AGFG1: variants seen among roughly 807,000 people sequenced by gnomAD.
The protein encoded by AGFG1 is arf-GAP domain and FG repeat-containing protein 1.
AGFG1 carries 10 observed loss-of-function variants against 60.6 expected under a neutral mutation model. The observed-to-expected ratio is 0.16, with a 90% CI of 0.10 to 0.28. The LOEUF is 0.28. AGFG1 is among the 10% of genes least tolerant of loss of function. AGFG1 has a pLI of 1.00. For missense variants in AGFG1, 537 were observed against 676.5 expected, an observed-to-expected ratio of 0.79 and a Z score of 2.29; for synonymous variants, 247 against 242.9, an observed-to-expected ratio of 1.02 and a Z score of -0.16.
rs148426779 is a variant in AGFG1, at chr2:227,494,479, C to A, written c.261+2839C>A. Among the ~76,000 whole-genome samples, 32 of 152,232 alleles carry A rather than the reference C, an allele frequency of 2.1e-4. No individual in the cohort carries two copies. The East Asian group carries it at 6.2e-3, about 29-fold the overall frequency. On this transcript the variant is annotated intron_variant, in intron 2 of 12. Transcript: ENST00000310078. ...GTTCATGCCTGAAGATGAGTATTTC[C>A]AAAATTAAAAGATCAGAAAGTATAT... is the stretch of plus-strand genomic sequence containing the variant.
intron 2 of AGFG1, among the ~76,000 whole-genome samples, chr2:227,515,535 T>A (rs1431713794): frequency 6.6e-6 from 1 of 152,186 alleles, no homozygotes; most frequent in Non-Finnish European, 1.5e-5. Flanking sequence ...TTCCTCCTGA[T>A]GTCTTTATTT....
intron 2 of AGFG1, among the ~76,000 whole-genome samples, chr2:227,506,697 G>T (rs186181649): frequency 6.6e-6 from 1 of 152,006 alleles, no homozygotes; most frequent in Admixed American, 6.6e-5. Flanking sequence ...GAGAGTTGGG[G>T]TTTTAACCTG....
At chr2:227,484,839 G>A (rs2106160874) in intron 1 of AGFG1, among the ~76,000 whole-genome samples, 1 of 151,730 alleles carries the variant, frequency 6.6e-6, no homozygotes, top group South Asian at 2.1e-4. Flanking sequence ...CAGTAGCTGG[G>A]ATTACAAGTG....
At position 227,554,559 on chromosome 2, in the gene AGFG1, G is replaced by T; in HGVS notation, c.*64G>T. On this transcript the variant is annotated 3_prime_UTR_variant, in exon 13 of 13. Transcript: ENST00000310078. Reference sequence around the variant, plus strand: ...GTCACATTACATCTCTCCACCTCTTGCACTGTTGTCTTGTTTCACTGATCT... The same window carrying T: ...GTCACATTACATCTCTCCACCTCTTTCACTGTTGTCTTGTTTCACTGATCT... The T allele has an allele frequency of 7.5e-7, 1 of 1,328,926 alleles. No homozygotes were observed. Among genetic ancestry groups the T allele is most frequent in the Non-Finnish European group, 1.1e-6 (1 of 935,934 alleles). The allele number at this position is 1,328,926 out of a possible 1,614,324, so 82.3% of individuals were successfully genotyped here.
chr2:227,473,597 G>A (rs1432005297), intron 1 of AGFG1, among the ~76,000 whole-genome samples: 2 of 152,034 alleles, frequency 1.3e-5, no homozygotes, highest in African/African-American at 4.8e-5. Context: ...AATTTCATTC[G>A]GAAAATTTGC....
At chr2:227,497,342 G>A (rs538915972) in intron 2 of AGFG1, among the ~76,000 whole-genome samples, 17 of 152,184 alleles carry the variant, frequency 1.1e-4, no homozygotes, top group African/African-American at 2.4e-4. Flanking sequence ...ATGTAATGAC[G>A]TTATTGCCAG....
At chr2:227,496,539 A>C (rs573481846) in intron 2 of AGFG1, among the ~76,000 whole-genome samples, 1 of 152,298 alleles carries the variant, frequency 6.6e-6, no homozygotes, top group African/African-American at 2.4e-5. Flanking sequence ...CTCCCCTTGC[A>C]GTCTTCTACA....
chr2:227,492,978 A>G (rs1279130804), intron 2 of AGFG1, among the ~76,000 whole-genome samples: 1 of 152,180 alleles, frequency 6.6e-6, no homozygotes, highest in Non-Finnish European at 1.5e-5. Flanking sequence ...GGAAATTAGA[A>G]TGGAATCAGA....
At chr2:227,547,271 T>G (rs1692679483) in intron 10 of AGFG1, among the ~76,000 whole-genome samples, 1 of 152,196 alleles carries the variant, frequency 6.6e-6, no homozygotes, top group Non-Finnish European at 1.5e-5. Flanking sequence ...AAACCCTAAG[T>G]AGAAAGTTAC....
At position 227,478,046 on chromosome 2, in the gene AGFG1, A is replaced by C. The variant is rs568189212; in HGVS notation, c.167+5458A>C. On this transcript the variant is annotated intron_variant, in intron 1 of 12. Transcript: ENST00000310078. ...TTTCATTGAGAAAATACTGTTGTGT[A>C]TTCTGAAATCAATGGGAATGATGGT... Among the ~76,000 whole-genome samples the C allele has an allele frequency of 1.0e-3, 155 of 152,160 alleles. 3 individuals are homozygous for C. The highest frequency in any genetic ancestry group is 3.2e-3 in the African/African-American group (133 of 41,508).
chr2:227,530,659 T>A (rs1217369055), intron 5 of AGFG1, among the ~76,000 whole-genome samples: 1 of 95,468 alleles, frequency 1.0e-5, no homozygotes, highest in East Asian at 3.6e-4. Flanking sequence ...TGTATTATTA[T>A]TTTAAGTATT....
chr2:227,527,482 A>G (rs10205138), intron 5 of AGFG1, among the ~76,000 whole-genome samples: 1 of 152,198 alleles, frequency 6.6e-6, no homozygotes, highest in African/African-American at 2.4e-5. Context: ...TTAAGATTCC[A>G]CAAATGGTTT....
chr2:227,550,715 A>G (rs867349561), intron 10 of AGFG1, among the ~76,000 whole-genome samples: 2 of 152,196 alleles, frequency 1.3e-5, no homozygotes, highest in African/African-American at 4.8e-5. Context: ...TACAGGGATT[A>G]CTTTGGGCAA....
chr2:227,532,264 C>T (rs1427921646), intron 6 of AGFG1: 2 of 1,346,786 alleles, frequency 1.5e-6, no homozygotes, highest in Non-Finnish European at 2.0e-6. Flanking sequence ...TTTTGCTATA[C>T]TTCAAGGGTT....
intron 5 of AGFG1, among the ~76,000 whole-genome samples, chr2:227,526,591 G>C (rs1692002499): frequency 1.5e-5 from 2 of 133,062 alleles, no homozygotes; most frequent in South Asian, 4.7e-4. Context: ...TGTTCACACT[G>C]GTGTGCAGTG....
intron 10 of AGFG1, among the ~76,000 whole-genome samples, chr2:227,542,276 A>G (rs1039661428): frequency 2.6e-5 from 4 of 152,200 alleles, no homozygotes; most frequent in Non-Finnish European, 5.9e-5. Context: ...TTGCCCATTC[A>G]GTATGATATT....
intron 2 of AGFG1, among the ~76,000 whole-genome samples, chr2:227,498,324 T>G (rs968284841): frequency 6.6e-6 from 1 of 152,184 alleles, no homozygotes; most frequent in Non-Finnish European, 1.5e-5. Context: ...AGTATGATGG[T>G]ATTAATAAAT....
At chr2:227,520,136 C>G in intron 3 of AGFG1, 73 bp downstream of exon 3, 6 of 867,544 alleles carry the variant, frequency 6.9e-6, no homozygotes, top group Non-Finnish European at 1.1e-5. Flanking sequence ...GTTAGTCTGA[C>G]ACAATGAAGG....
At chr2:227,541,835 A>G (rs1381322441) in intron 10 of AGFG1, among the ~76,000 whole-genome samples, 1 of 152,148 alleles carries the variant, frequency 6.6e-6, no homozygotes, top group Non-Finnish European at 1.5e-5. Flanking sequence ...TGAGCATGGA[A>G]TGTTCTTCCA....
Sources: gnomAD v4.1 joint callset for allele counts (sites outside exome capture counted in the v4.1 genomes callset) on GRCh38, gnomAD v4.1.1 for gene constraint, MANE v1.5 for transcripts, NCBI Gene and HGNC (gene_info 2026-07-23, HGNC 2026-07-21) for gene names.